The following METTL15 variants were observed in gnomAD, a reference collection of about 807,000 sequenced individuals.
METTL15 encodes the protein 12S rRNA N(4)-cytidine methyltransferase METTL15.
Under a neutral mutation model 38.3 loss-of-function variants are expected in METTL15, and 34 were observed. The observed-to-expected ratio is 0.89, with a 90% CI of 0.68 to 1.18. The LOEUF (loss-of-function observed/expected upper bound fraction) is 1.18, where lower values mean the gene tolerates loss of function less well. Ranked by LOEUF, METTL15 falls within the 50% of genes most tolerant of loss-of-function variation. The pLI, the probability that METTL15 is intolerant of heterozygous loss-of-function variation, is 0.00. For missense variants in METTL15, 438 were observed against 498.4 expected, an observed-to-expected ratio of 0.88 and a Z score of 1.15; for synonymous variants, 162 against 170.9, an observed-to-expected ratio of 0.95 and a Z score of 0.41.
At chr11:28,121,448 A>G (rs1478874811) in intron 3 of METTL15, among the ~76,000 whole-genome samples, 1 of 152,096 alleles carries the variant, frequency 6.6e-6, no homozygotes, top group Non-Finnish European at 1.5e-5. Flanking sequence ...CATTTGTGTA[A>G]TAGATTTAGA....
intron 5 of METTL15, among the ~76,000 whole-genome samples, chr11:28,420,859 A>G (rs529282060): frequency 4.1e-4 from 63 of 152,180 alleles, no homozygotes; most frequent in African/African-American, 1.5e-3. Context: ...AGAAATTACA[A>G]AGATCCGAGC....
intron 6 of METTL15, among the ~76,000 whole-genome samples, chr11:28,443,422 T>C (rs185553332): frequency 1.3e-5 from 2 of 152,160 alleles, no homozygotes; most frequent in African/African-American, 4.8e-5. Context: ...CTCTTCATAG[T>C]GATATCATCA....
intron 3 of METTL15, among the ~76,000 whole-genome samples, chr11:28,139,348 A>G (rs1849619469): frequency 6.6e-6 from 1 of 152,152 alleles, no homozygotes; most frequent in South Asian, 2.1e-4. Flanking sequence ...GAGGGGAACA[A>G]GTCATCCCTA....
rs541457051 is a variant in METTL15 at position 28,402,380 on chromosome 11, A to G, written c.*359-21919A>G. ...CTGCTCTGTAGCCAAGCTAAGTCCAATCACTACTCCCTACCCAATTTATAG... is the reference window on the plus strand; with the variant it reads ...CTGCTCTGTAGCCAAGCTAAGTCCAGTCACTACTCCCTACCCAATTTATAG... On this transcript the variant is annotated intron_variant and NMD_transcript_variant, in intron 5 of 7. Coordinates refer to the METTL15 transcript ENST00000532947. 1.2e-4 allele frequency among the ~76,000 whole-genome samples: 19 copies of G among 152,060 alleles called. No individual in the cohort carries two copies. In the South Asian group the frequency reaches 2.3e-3, roughly 18 times the overall value.
chr11:28,351,703 A>C (rs2133361585), intron 3 of METTL15, among the ~76,000 whole-genome samples: 1 of 152,362 alleles, frequency 6.6e-6, no homozygotes, highest in Non-Finnish European at 1.5e-5. Context: ...AGGCAATTTA[A>C]GTACACAAGA....
chr11:28,259,636 A>G (rs1855116411), intron 4 of METTL15, among the ~76,000 whole-genome samples: 1 of 152,194 alleles, frequency 6.6e-6, no homozygotes, highest in African/African-American at 2.4e-5. Flanking sequence ...TTTCTGCTGT[A>G]AAAGGGCAGC....
At chr11:28,373,527 A>C (rs2133377359) in intron 5 of METTL15, among the ~76,000 whole-genome samples, 2 of 152,348 alleles carry the variant, frequency 1.3e-5, no homozygotes, top group Admixed American at 1.3e-4. Context: ...GCCCGTTGTC[A>C]GATGAGGAGG....
chr11:28,476,094 G>T (rs1207377016), intron 6 of METTL15, among the ~76,000 whole-genome samples: 4 of 152,186 alleles, frequency 2.6e-5, no homozygotes, highest in Non-Finnish European at 4.4e-5. Flanking sequence ...ACAAAGAACA[G>T]AAAATGAATA....
At chr11:28,471,274 C>A (rs542699829) in intron 6 of METTL15, among the ~76,000 whole-genome samples, 3 of 152,256 alleles carry the variant, frequency 2.0e-5, no homozygotes, top group East Asian at 3.9e-4. Flanking sequence ...GCATTCCTTG[C>A]ACTGTGTTTT....
intron 3 of METTL15, among the ~76,000 whole-genome samples, chr11:28,140,626 A>C (rs1197218778): frequency 6.6e-6 from 1 of 152,236 alleles, no homozygotes; most frequent in Non-Finnish European, 1.5e-5. Context: ...TCTCATGACC[A>C]GGAAGAAATA....
chr11:28,234,341 A>G (rs1853837454), intron 4 of METTL15, among the ~76,000 whole-genome samples: 1 of 151,472 alleles, frequency 6.6e-6, no homozygotes, highest in African/African-American at 2.4e-5. Context: ...GGCTGGCTCA[A>G]ATGGTATTTC....
intron 3 of METTL15, among the ~76,000 whole-genome samples, chr11:28,348,726 AT>A (rs1322318712): frequency 3.3e-5 from 5 of 150,866 alleles, no homozygotes; most frequent in Non-Finnish European, 5.9e-5. Context: ...GTATGTATGT[AT>A]GTATGTATTT....
rs749843142 is a variant in METTL15, at chr11:28,450,352, G to C, written c.*424+25988G>C. Among the ~76,000 whole-genome samples the C allele has an allele frequency of 4.6e-5, 7 of 152,292 alleles. No individual in the cohort carries two copies. The South Asian group carries it at 1.2e-3, about 27-fold the overall frequency. On this transcript the variant is annotated intron_variant and NMD_transcript_variant, in intron 6 of 7. Transcript: ENST00000532947. ...TATAAAGTGTTGAAGAAACAATGGTGACTAAAACAACGTCCTCATGAGGCT... is the reference window on the plus strand; with the variant it reads ...TATAAAGTGTTGAAGAAACAATGGTCACTAAAACAACGTCCTCATGAGGCT...
intron 4 of METTL15, among the ~76,000 whole-genome samples, chr11:28,275,642 C>A (rs1330910794): frequency 1.8e-4 from 25 of 138,840 alleles, no homozygotes; most frequent in African/African-American, 1.8e-4. Flanking sequence ...ACAAAGATAC[C>A]AAAAAAAAAA....
chr11:28,471,184 C>T (rs1188591911), intron 6 of METTL15, among the ~76,000 whole-genome samples: 3 of 151,982 alleles, frequency 2.0e-5, no homozygotes, highest in Non-Finnish European at 2.9e-5. Context: ...GTTATATAAG[C>T]CTGATTTCCT....
intron 3 of METTL15, among the ~76,000 whole-genome samples, chr11:28,189,662 GGTGAAT>G (rs1851629162): frequency 6.6e-6 from 1 of 151,072 alleles, no homozygotes; most frequent in Admixed American, 6.6e-5. Flanking sequence ...ATTTACAACT[GGTGAAT>G]AGTTACAAGA....
At chr11:28,328,028 A>G in intron 6 of METTL15, 1 of 1,511,548 alleles carries the variant, frequency 6.6e-7, no homozygotes, top group Non-Finnish European at 9.0e-7. Context: ...GTTCTTATTG[A>G]TTTATGTGCT....
chr11:28,335,099 G>T (rs1849888914), downstream of METTL15, among the ~76,000 whole-genome samples: 1 of 152,106 alleles, frequency 6.6e-6, no homozygotes, highest in Admixed American at 6.5e-5. Flanking sequence ...CTTGATTCTT[G>T]AATAATTATT....
intron 6 of METTL15, among the ~76,000 whole-genome samples, chr11:28,458,291 T>C (rs1851187129): frequency 6.6e-6 from 1 of 152,186 alleles, no homozygotes; most frequent in Admixed American, 6.5e-5. Flanking sequence ...TCTTTTTTCT[T>C]CCACATAAAA....
Sources: gnomAD v4.1 joint callset for allele counts (sites outside exome capture counted in the v4.1 genomes callset) on GRCh38, gnomAD v4.1.1 for gene constraint, MANE v1.5 for transcripts, NCBI Gene and HGNC (gene_info 2026-07-23, HGNC 2026-07-21) for gene names.